TMEM207: variants seen among roughly 807,000 people sequenced by gnomAD.
The protein encoded by TMEM207 is transmembrane protein 207, also known as SRSR846.
Under a neutral mutation model 17.4 loss-of-function variants are expected in TMEM207, and 15 were observed. The ratio of observed to expected loss-of-function variants is 0.86; its 90% CI spans 0.58 to 1.33. The LOEUF is 1.33. Among genes scored for constraint, TMEM207 ranks in the 40% most tolerant of loss-of-function variants. The pLI is 0.00. For missense variants in TMEM207, 205 were observed against 173.8 expected (o/e 1.18, Z -1.01); for synonymous variants, 70 against 65.6 (o/e 1.07, Z -0.33).
rs201791052 is a variant in TMEM207 at position 190,443,145 on chromosome 3, C to CTTT, written c.114-1666_114-1664dup. ...TGGTGTCCTGACACAATTAAAAAAG[C>CTTT]TTTTTTTTTTTTTTGTTTTGTTTTG... On this transcript the variant is annotated intron_variant, in intron 2 of 4. Coordinates refer to ENST00000354905, the MANE Select transcript of TMEM207 (RefSeq NM_207316.3). Among the ~76,000 whole-genome samples the CTTT allele has an allele frequency of 8.5e-4, 119 of 140,382 alleles. 1 individual carries two copies. The highest frequency in any genetic ancestry group is 3.0e-3 in the African/African-American group (116 of 38,390). 92.1% of individuals were successfully genotyped at this position (140,382 alleles called of 152,430 possible).
intron 4 of TMEM207, among the ~76,000 whole-genome samples, chr3:190,434,472 C>T (rs1719758835): frequency 6.6e-6 from 1 of 152,176 alleles, no homozygotes; most frequent in African/African-American, 2.4e-5. Flanking sequence ...TCCTTGCTTT[C>T]TACCGTGATA....
chr3:190,432,135 A>G (rs1719704883), intron 4 of TMEM207, among the ~76,000 whole-genome samples: 1 of 152,210 alleles, frequency 6.6e-6, no homozygotes. Flanking sequence ...ATCAGAGTTT[A>G]CTGTTTAATT....
At chr3:190,443,145 C>CTTTT (rs201791052) in intron 2 of TMEM207, among the ~76,000 whole-genome samples, 3 of 140,398 alleles carry the variant, frequency 2.1e-5, no homozygotes, top group Admixed American at 7.2e-5. Context: ...ATTAAAAAAG[C>CTTTT]TTTTTTTTTT....
intron 4 of TMEM207, among the ~76,000 whole-genome samples, chr3:190,433,333 AAAC>A (rs560480442): frequency 2.6e-3 from 390 of 152,310 alleles, no homozygotes; most frequent in African/African-American, 8.6e-3. Context: ...ATTAAAATAA[AAAC>A]AACCTTTCAT....
At chr3:190,431,910 CATAATTA>C (rs797004217) in intron 4 of TMEM207, among the ~76,000 whole-genome samples, 11 of 152,246 alleles carry the variant, frequency 7.2e-5, no homozygotes, top group African/African-American at 2.6e-4. Context: ...ATTTGGTAAA[CATAATTA>C]AGCCAATGTG....
intron 1 of TMEM207, among the ~76,000 whole-genome samples, chr3:190,448,375 C>A (rs779852803): frequency 1.3e-5 from 2 of 152,062 alleles, no homozygotes; most frequent in Admixed American, 1.3e-4. Context: ...ACAGTCTTCT[C>A]TTTATCAGAG....
rs539208985 is a variant in TMEM207 at position 190,436,962 on chromosome 3, G to A, written c.304+3282C>T. On this transcript the variant is annotated intron_variant, in intron 4 of 4. Coordinates refer to ENST00000354905, the MANE Select transcript of TMEM207 (RefSeq NM_207316.3). ...GCCATCCTGAGCATTCCTGGGACAA[G>A]ATGGAACATCGGCAGTGGGTGGAAC... Among the ~76,000 whole-genome samples, 68 of 152,270 alleles carry A rather than the reference G, an allele frequency of 4.5e-4. 1 individual carries two copies. The highest frequency in any genetic ancestry group is 4.2e-3 in the Admixed American group (65 of 15,298).
Position 190,441,585 on chromosome 3 carries a change from A to G in TMEM207, c.114-103T>C, listed in dbSNP as rs1719939369. 6.9e-6 allele frequency: 6 copies of G among 869,774 alleles called. No individual in the cohort carries two copies. In the South Asian group the frequency reaches 9.5e-5, roughly 14 times the overall value. 53.9% of individuals were successfully genotyped at this position (869,774 alleles called of 1,614,324 possible). ...CTGATCACACTTGTTTCTCCAGAAC[A>G]GTCACCTACATATTCCCATACCAGC... On this transcript the variant is annotated intron_variant, in intron 2 of 4. Transcript: ENST00000354905.
intron 4 of TMEM207, among the ~76,000 whole-genome samples, chr3:190,439,132 G>C (rs1224097304): frequency 3.6e-5 from 5 of 139,116 alleles, no homozygotes; most frequent in South Asian, 4.5e-4. Context: ...AGCGGAGATC[G>C]CGCCACGGCA....
rs9824327 is a variant in TMEM207, at chr3:190,441,502, G to T, written c.114-20C>A. The T allele has an allele frequency of 1.9e-6, 3 of 1,604,044 alleles. No individual in the cohort carries two copies. ...ACACACCTGGTGATAAAGGGAGAGC[G>T]TTAGTCCTGGAACTCAGGATAGCCA... On this transcript the variant is annotated intron_variant, in intron 2 of 4. Coordinates refer to ENST00000354905, the MANE Select transcript of TMEM207 (RefSeq NM_207316.3).
In TMEM207 at chr3:190,448,761, TC is replaced by T. The variant is rs1415993878; in HGVS notation, c.76-935del. Among the ~76,000 whole-genome samples the T allele has an allele frequency of 2.0e-5, 3 of 152,066 alleles. No homozygotes were observed. The East Asian group carries it at 5.8e-4, about 29-fold the overall frequency. On this transcript the variant is annotated intron_variant, in intron 1 of 4. Transcript: ENST00000354905. ...GGAGTTCTGTGTGAGATGTGTCTTT[TC>T]CCCCCTTAATCCCAAAAGCATCTTC... is the stretch of plus-strand genomic sequence containing the variant.
At chr3:190,444,921 T>C (rs116332436) in intron 2 of TMEM207, among the ~76,000 whole-genome samples, 1 of 152,142 alleles carries the variant, frequency 6.6e-6, no homozygotes, top group Non-Finnish European at 1.5e-5. Context: ...CTACAGTAAT[T>C]TGAGGGATGG....
intron 4 of TMEM207, 35 bp from the exon 5 acceptor site, chr3:190,429,766 T>C: frequency 2.6e-6 from 4 of 1,554,034 alleles, no homozygotes; most frequent in Non-Finnish European, 2.6e-6. Flanking sequence ...GTAATCTTTC[T>C]AGTGAGCATA....
chr3:190,441,495 G>A lies in TMEM207; in HGVS notation c.114-13C>T, dbSNP rs954629986. Reference sequence around the variant, plus strand: ...ATAATTTACACACCTGGTGATAAAGGGAGAGCGTTAGTCCTGGAACTCAGG... The same window carrying A: ...ATAATTTACACACCTGGTGATAAAGAGAGAGCGTTAGTCCTGGAACTCAGG... On this transcript the variant is annotated splice_polypyrimidine_tract_variant and intron_variant, in intron 2 of 4. Coordinates refer to ENST00000354905, the MANE Select transcript of TMEM207 (RefSeq NM_207316.3). The A allele has an allele frequency of 1.9e-6, 3 of 1,609,814 alleles. No homozygotes were observed. The highest frequency in any genetic ancestry group is 1.7e-6 in the Non-Finnish European group (2 of 1,177,312).
intron 4 of TMEM207, among the ~76,000 whole-genome samples, chr3:190,434,673 T>G (rs1286647535): frequency 6.6e-6 from 1 of 152,148 alleles, no homozygotes; most frequent in East Asian, 1.9e-4. Context: ...CACATAATAC[T>G]AGAATTATTC....
chr3:190,434,634 C>A (rs539588507), intron 4 of TMEM207, among the ~76,000 whole-genome samples: 3 of 152,244 alleles, frequency 2.0e-5, no homozygotes, highest in African/African-American at 7.2e-5. Context: ...AAAAAATTAC[C>A]TCAACACAGA....
chr3:190,436,316 A>G (rs536972999), intron 4 of TMEM207, among the ~76,000 whole-genome samples: 12 of 152,350 alleles, frequency 7.9e-5, no homozygotes, highest in African/African-American at 2.6e-4. Context: ...GGAACATCCC[A>G]TCTTCTCCTT....
intron 2 of TMEM207, among the ~76,000 whole-genome samples, chr3:190,442,634 T>C (rs1258691491): frequency 6.6e-6 from 1 of 152,184 alleles, no homozygotes; most frequent in Non-Finnish European, 1.5e-5. Context: ...CTTTGTTCTT[T>C]TGAGCGCCCA....
rs1720126011 is a variant in TMEM207 at position 190,449,901 on chromosome 3, T to C, written c.-92A>G. On this transcript the variant is annotated 5_prime_UTR_variant, in exon 1 of 5. Transcript: ENST00000354905. ...TTACTAGCTTCTCTATAAGTTATGC[T>C]TCCTACCAGGACATGCATTAATAAT... 1 of 1,175,690 alleles carries C rather than the reference T, an allele frequency of 8.5e-7. No homozygotes were observed. The highest frequency in any genetic ancestry group is 1.3e-6 in the Non-Finnish European group (1 of 793,098). The allele number at this position is 1,175,690 out of a possible 1,614,324, so 72.8% of individuals were successfully genotyped here. A position where few individuals can be genotyped will look rare whatever the true frequency, so the allele number is the denominator to read the frequency against.
Sources: gnomAD v4.1 joint callset for allele counts (sites outside exome capture counted in the v4.1 genomes callset) on GRCh38, gnomAD v4.1.1 for gene constraint, MANE v1.5 for transcripts, NCBI Gene and HGNC (gene_info 2026-07-23, HGNC 2026-07-21) for gene names.